EPAS1: variants seen among roughly 807,000 people sequenced by gnomAD.
EPAS1 encodes endothelial PAS domain protein 1.
Under a neutral mutation model 87.9 loss-of-function variants are expected in EPAS1, and 23 were observed. The ratio of observed to expected loss-of-function variants is 0.26; its 90% CI spans 0.19 to 0.37. EPAS1 has a LOEUF of 0.37. EPAS1 is among the 10% of genes least tolerant of loss of function. The pLI, the probability that EPAS1 is intolerant of heterozygous loss-of-function variation, is 1.00. For missense variants in EPAS1, 1,138 were observed against 1,120.7 expected (o/e 1.02, Z -0.22); for synonymous variants, 508 against 444.3 (o/e 1.14, Z -1.80).
In EPAS1 at chr2:46,346,976, C is replaced by T. The variant is rs1464807024; in HGVS notation, c.130C>T (p.Pro44Ser). Reference protein sequence around the residue: ...FYELAHELPLPHSVSSHLDKA... With the variant: ...FYELAHELPLSHSVSSHLDKA... The stretch of plus-strand genomic sequence containing the variant: ...TGAGCTGGCCCATGAGCTGCCTCTG[C>T]CCCACAGTGTGAGCTCCCATCTGGA... The change falls in exon 2 of 16, where the codon CCC (proline) becomes TCC (serine). Residue 44 changes from proline to serine, a missense_variant. By Grantham distance (74) the Pro-to-Ser change is moderately conservative. Transcript: ENST00000263734. This position sits in a 1 kb window ranked among gnomAD's most constrained non-coding sequence, Gnocchi z 4.0. 1 of 1,614,200 alleles carries T rather than the reference C, an allele frequency of 6.2e-7. No individual in the cohort carries two copies. Among genetic ancestry groups the T allele is most frequent in the South Asian group, 1.1e-5 (1 of 91,084 alleles).
rs747275399 is a variant in EPAS1 at position 46,360,724 on chromosome 2, C to T, written c.541C>T (p.Arg181Cys). ...RMKCTVTNRGRTVNLKSATWK... is the reference protein window; with the variant it reads ...RMKCTVTNRGCTVNLKSATWK... ...GAAGTGCACGGTCACCAACAGAGGC[C>T]GTACTGTCAACCTCAAGTCAGCCAC... The change falls in exon 5 of 16, where the codon CGT becomes TGT. Residue 181 changes from arginine (R) to cysteine (C), a missense_variant. Physicochemically the swap from Arg to Cys is radical, Grantham distance 180. This residue lies in a region of EPAS1 where 351 missense variants were observed against 417.1 expected (regional missense o/e 0.84). Transcript: ENST00000263734. The surrounding 1 kb of genome is among the most constrained non-coding windows in gnomAD (Gnocchi z 4.5). 1.3e-5 allele frequency: 21 copies of T among 1,613,908 alleles called. No individual in the cohort carries two copies. Among genetic ancestry groups the T allele is most frequent in the Non-Finnish European group, 1.6e-5 (19 of 1,180,026 alleles).
In EPAS1 at chr2:46,356,140, C is replaced by CGCT. The variant is rs142684263; in HGVS notation, c.218-11_218-10insGCT. 25 of 1,364,042 alleles carry CGCT rather than the reference C, an allele frequency of 1.8e-5. No individual in the cohort carries two copies. Among genetic ancestry groups the CGCT allele is most frequent in the Non-Finnish European group, 2.4e-5 (23 of 960,584 alleles). 84.5% of individuals were successfully genotyped at this position (1,364,042 alleles called of 1,614,324 possible). ...ATTCATGCAAGCTGTCCCACCCCCC[C>CGCT]CCCTTTCCAGTTTGCTCTGAAAACG... On this transcript the variant is annotated splice_polypyrimidine_tract_variant and intron_variant, in intron 2 of 15. Coordinates refer to ENST00000263734, the MANE Select transcript of EPAS1 (RefSeq NM_001430.5).
intron 1 of EPAS1, among the ~76,000 whole-genome samples, chr2:46,307,955 T>C (rs1407318623): frequency 6.6e-6 from 1 of 152,208 alleles, no homozygotes; most frequent in Non-Finnish European, 1.5e-5. Flanking sequence ...AGTAAAGACA[T>C]GGGTCCTTGG....
rs1400177456 is a variant in EPAS1, at chr2:46,371,452, GCTC to G, written c.886+1520_886+1522del. Among the ~76,000 whole-genome samples the G allele has an allele frequency of 2.0e-5, 3 of 152,110 alleles. No homozygotes were observed. The highest frequency in any genetic ancestry group is 4.4e-5 in the Non-Finnish European group (3 of 68,032). On this transcript the variant is annotated intron_variant, in intron 7 of 15. Coordinates refer to ENST00000263734, the MANE Select transcript of EPAS1 (RefSeq NM_001430.5). The surrounding 1 kb of genome is among the most constrained non-coding windows in gnomAD (Gnocchi z 4.3). ...ATATCTCAGAGAAGTTTCTCACTGT[GCTC>G]TCTGGCAAAACACACACGCGCACAC...
intron 2 of EPAS1, among the ~76,000 whole-genome samples, chr2:46,354,390 A>G (rs977539587): frequency 6.6e-6 from 1 of 152,154 alleles, no homozygotes; most frequent in Admixed American, 6.5e-5. Flanking sequence ...CTGGATAAAT[A>G]CAAATTTTCA....
intron 1 of EPAS1, among the ~76,000 whole-genome samples, chr2:46,299,255 G>T (rs1682947125): frequency 6.6e-6 from 1 of 152,216 alleles, no homozygotes; most frequent in African/African-American, 2.4e-5. Context: ...AGCGAATCGC[G>T]CCTGTCCTGG....
intron 2 of EPAS1, among the ~76,000 whole-genome samples, chr2:46,352,143 G>A (rs559818014): frequency 6.6e-6 from 1 of 152,262 alleles, no homozygotes; most frequent in African/African-American, 2.4e-5. Context: ...GACCCTGAAG[G>A]GTCCTCGGAA....
Position 46,380,735 on chromosome 2 carries a change from A to ACTT in EPAS1, c.2045+18_2045+19insCTT. ...AAGACAAGGTAAGTGGCAGATACTCAGCTGTACCAGCAGGGCCGAACCGAG... is the reference window on the plus strand; with the variant it reads ...AAGACAAGGTAAGTGGCAGATACTCACTTGCTGTACCAGCAGGGCCGAACCGAG... On this transcript the variant is annotated intron_variant, in intron 12 of 15. Transcript: ENST00000263734. The surrounding 1 kb of genome is among the most constrained non-coding windows in gnomAD (Gnocchi z 4.4). 1 of 1,606,308 alleles carries ACTT rather than the reference A, an allele frequency of 6.2e-7. No homozygotes were observed.
chr2:46,382,436 C>G lies in EPAS1; in HGVS notation c.2299C>G (p.Gln767Glu). ...SANVPNDKFT[Q>E]NPMRGLGHPL... ...CTTTGGTCTTTCAGATAAGTTCACC[C>G]AAAACCCCATGAGGGGCCTGGGCCA... Residue 767 changes from glutamine (Q) to glutamate (E), a missense_variant, in exon 15 of 16, where the codon CAA (glutamine) becomes GAA (glutamate). Around this residue, in one of 4 missense-constraint regions of EPAS1, gnomAD observed 502 missense variants for 427.1 expected, o/e 1.18. Coordinates refer to ENST00000263734, the MANE Select transcript of EPAS1 (RefSeq NM_001430.5). The G allele has an allele frequency of 1.2e-6, 2 of 1,614,116 alleles. No individual in the cohort carries two copies. The highest frequency in any genetic ancestry group is 8.5e-7 in the Non-Finnish European group (1 of 1,180,022).
chr2:46,372,306 C>T (rs191915093), intron 7 of EPAS1, among the ~76,000 whole-genome samples: 51 of 152,290 alleles, frequency 3.3e-4, no homozygotes, highest in African/African-American at 1.2e-3. Context: ...TGCCCCCGAC[C>T]CCTGTCTCTC....
Position 46,378,696 on chromosome 2 carries a change from G to A in EPAS1, c.1483G>A (p.Asp495Asn), listed in dbSNP as rs765477973. The A allele has an allele frequency of 1.1e-5, 18 of 1,614,112 alleles. No homozygotes were observed. The highest frequency in any genetic ancestry group is 4.4e-5 in the South Asian group (4 of 91,060). Residue 495 changes from aspartate to asparagine, a missense_variant, in exon 11 of 16, where the codon GAC (aspartate) becomes AAC (asparagine). Physicochemically the swap from Asp to Asn is conservative, Grantham distance 23 (BLOSUM62 1). This residue lies in a region of EPAS1 where 284 missense variants were observed against 258.4 expected (regional missense o/e 1.10). Coordinates refer to ENST00000263734, the MANE Select transcript of EPAS1 (RefSeq NM_001430.5). ...PEDYYTSLDN[D>N]LKIEVIEKLF... ...AGACTATTACACATCTTTGGATAAC[G>A]ACCTGAAGATTGAAGTGATTGAGAA...
Position 46,346,885 on chromosome 2 carries a change from G to A in EPAS1, c.39G>A (p.Glu13=), listed in dbSNP as rs1425406524. ...CTTCTCCACTTAGGAGTAGCTCGGA[G>A]AGGAGGAAGGAGAAGTCCCGGGATG... is the stretch of plus-strand genomic sequence containing the variant. ...ADKEKKRSSS[E]RRKEKSRDAA... The change falls in exon 2 of 16, where the codon GAG becomes GAA. Residue 13 remains glutamate (E), a synonymous_variant. Transcript: ENST00000263734. The surrounding 1 kb of genome is among the most constrained non-coding windows in gnomAD (Gnocchi z 4.0). 1 of 1,614,232 alleles carries A rather than the reference G, an allele frequency of 6.2e-7. No individual in the cohort carries two copies. Among genetic ancestry groups the A allele is most frequent in the East Asian group, 2.2e-5 (1 of 44,884 alleles).
At chr2:46,356,597 T>A (rs763738327) in intron 3 of EPAS1, 127 bp from the exon 4 acceptor site, 44 of 802,588 alleles carry the variant, frequency 5.5e-5, no homozygotes, top group Non-Finnish European at 9.1e-5. Context: ...GACACTGGAC[T>A]GGGATTATGA....
At position 46,371,440 on chromosome 2, in the gene EPAS1, G is replaced by C. The variant is rs949043565; in HGVS notation, c.886+1507G>C. 6.6e-6 allele frequency among the ~76,000 whole-genome samples: 1 copy of C among 152,140 alleles called. No homozygotes were observed. The highest frequency in any genetic ancestry group is 2.4e-5 in the African/African-American group (1 of 41,408). On this transcript the variant is annotated intron_variant, in intron 7 of 15. Transcript: ENST00000263734. This position sits in a 1 kb window ranked among gnomAD's most constrained non-coding sequence, Gnocchi z 4.3. ...GGGCCCATTATGATATCTCAGAGAA[G>C]TTTCTCACTGTGCTCTCTGGCAAAA...
Position 46,300,615 on chromosome 2 carries a change from T to C in EPAS1, c.26+2678T>C, listed in dbSNP as rs760819665. Among the ~76,000 whole-genome samples the C allele has an allele frequency of 6.6e-6, 1 of 152,184 alleles. No homozygotes were observed. Among genetic ancestry groups the C allele is most frequent in the Non-Finnish European group, 1.5e-5 (1 of 68,040 alleles). ...TACTGCACTTTCACTCACCTTTTTG[T>C]GCACGCATCTATCAGGAATGCCTGA... On this transcript the variant is annotated intron_variant, in intron 1 of 15. Transcript: ENST00000263734. The surrounding 1 kb of genome is among the most constrained non-coding windows in gnomAD (Gnocchi z 4.1).
At position 46,385,917 on chromosome 2, in the gene EPAS1, G is replaced by A. The variant is rs892849320; in HGVS notation, c.*1257G>A. 1 of 152,324 alleles carries A rather than the reference G, an allele frequency of 6.6e-6. No individual in the cohort carries two copies. Among genetic ancestry groups the A allele is most frequent in the Non-Finnish European group, 1.5e-5 (1 of 68,042 alleles). The allele number at this position is 152,324 out of a possible 1,614,324, so 9.4% of individuals were successfully genotyped here. On this transcript the variant is annotated 3_prime_UTR_variant, in exon 16 of 16. Coordinates refer to ENST00000263734, the MANE Select transcript of EPAS1 (RefSeq NM_001430.5). ...TCATGCAAATGAGGGGTCAAAAATG[G>A]TATAGTGACCCCGTCCACGTCCTCC...
intron 1 of EPAS1, among the ~76,000 whole-genome samples, chr2:46,342,175 G>T (rs1367697632): frequency 6.6e-6 from 1 of 152,164 alleles, no homozygotes; most frequent in Admixed American, 6.5e-5. Flanking sequence ...GGTGACTCCA[G>T]TGAGCAGCAA....
intron 15 of EPAS1, 114 bp downstream of exon 15, chr2:46,382,712 TG>T: frequency 7.3e-7 from 1 of 1,372,238 alleles, no homozygotes; most frequent in Non-Finnish European, 1.0e-6. Context: ...GTGCTTGACT[TG>T]AAGTCACCTA....
chr2:46,335,003 G>C (rs1281822540), intron 1 of EPAS1, among the ~76,000 whole-genome samples: 2 of 152,114 alleles, frequency 1.3e-5, no homozygotes, highest in African/African-American at 4.8e-5. Context: ...CTTTATAAAG[G>C]AAGCCCAGGA....
Sources: allele counts gnomAD v4.1 joint callset (sites outside exome capture counted in the v4.1 genomes callset), GRCh38; gene constraint gnomAD v4.1.1; regional missense constraint gnomAD v4.1.1; non-coding constraint Gnocchi (gnomAD v3.1); transcripts MANE v1.5; gene names NCBI Gene and HGNC (gene_info 2026-07-23, HGNC 2026-07-21).